The following BCAR3 variants were observed in gnomAD, a reference collection of about 807,000 sequenced individuals.
The protein encoded by BCAR3 is BCAR3 adaptor protein, NSP family member.
A neutral mutation model predicts 80.1 loss-of-function variants in BCAR3; 37 were observed. The ratio of observed to expected loss-of-function variants is 0.46; its 90% confidence interval spans 0.36 to 0.61. BCAR3 has a LOEUF of 0.61. Ranked by LOEUF, BCAR3 falls within the 20% of genes least tolerant of loss-of-function variation. The pLI is 0.00. For missense variants in BCAR3, 978 were observed against 1,068.2 expected, an observed-to-expected ratio of 0.92 and a Z score of 1.18; for synonymous variants, 389 against 418.9, an observed-to-expected ratio of 0.93 and a Z score of 0.87.
intron 3 of BCAR3, among the ~76,000 whole-genome samples, chr1:93,624,745 T>C (rs541803534): frequency 6.6e-6 from 1 of 152,244 alleles, no homozygotes; most frequent in Non-Finnish European, 1.5e-5. Context: ...GACGTGGCTC[T>C]TGTTCATGGT....
intron 3 of BCAR3, among the ~76,000 whole-genome samples, chr1:93,635,220 T>C (rs1368739121): frequency 2.0e-5 from 3 of 152,120 alleles, no homozygotes; most frequent in Non-Finnish European, 2.9e-5. Context: ...ACCCTGTTTC[T>C]TAAAAAAATA....
chr1:93,608,906 C>T lies in BCAR3; in HGVS notation c.358-16513G>A, dbSNP rs534084442. On this transcript the variant is annotated intron_variant, in intron 3 of 11. Transcript: ENST00000260502. The stretch of plus-strand genomic sequence containing the variant: ...TTCCTGCAAGGCTTCTTCCACCTTG[C>T]GCAGCTCGTGCTGATGGTGCATCTG... 7.9e-5 allele frequency among the ~76,000 whole-genome samples: 12 copies of T among 152,324 alleles called. 1 individual carries two copies. In the South Asian group the frequency reaches 1.2e-3, roughly 16 times the overall value.
chr1:93,583,987 A>C (rs757865760), intron 6 of BCAR3, 31 bp downstream of exon 6: 2 of 1,600,936 alleles, frequency 1.2e-6, no homozygotes, highest in Non-Finnish European at 1.7e-6. Context: ...GGTAACACTG[A>C]CGTTCTCCCT....
chr1:93,736,434 G>T (rs983385103), intron 2 of BCAR3, among the ~76,000 whole-genome samples: 6 of 152,206 alleles, frequency 3.9e-5, no homozygotes, highest in African/African-American at 1.4e-4. Context: ...TGATCTGCCC[G>T]CCTTGGCCTC....
chr1:93,625,025 A>AGG (rs2101893686), intron 3 of BCAR3, among the ~76,000 whole-genome samples: 1 of 152,286 alleles, frequency 6.6e-6, no homozygotes. Context: ...CCTCACTAAC[A>AGG]TGGTGAAACC....
intron 1 of BCAR3, among the ~76,000 whole-genome samples, chr1:93,675,925 C>CAAAAAAAAA (rs58706715): frequency 0.012 from 620 of 51,424 alleles, 27 homozygotes; most frequent in Non-Finnish European, 0.021. Flanking sequence ...AAATAGGAGA[C>CAAAAAAAAA]AAAAAAAAAA....
intron 3 of BCAR3, among the ~76,000 whole-genome samples, chr1:93,633,907 G>A (rs1675699648): frequency 6.6e-6 from 1 of 152,328 alleles, no homozygotes; most frequent in Admixed American, 6.5e-5. Context: ...CAAAGGGCGT[G>A]AGCCACCACA....
chr1:93,728,464 G>A (rs975688141), intron 2 of BCAR3, among the ~76,000 whole-genome samples: 6 of 152,252 alleles, frequency 3.9e-5, no homozygotes, highest in African/African-American at 1.2e-4. Flanking sequence ...CTGTTGCAAG[G>A]ACAGAGGGCT....
At chr1:93,719,133 G>C (rs1051882998) in intron 2 of BCAR3, among the ~76,000 whole-genome samples, 1 of 151,956 alleles carries the variant, frequency 6.6e-6, no homozygotes. Context: ...TCGTTTCTGG[G>C]TGAAAGGGAA....
At chr1:93,779,544 C>T (rs1314550512) in intron 2 of BCAR3, among the ~76,000 whole-genome samples, 2 of 152,018 alleles carry the variant, frequency 1.3e-5, no homozygotes, top group Non-Finnish European at 2.9e-5. Context: ...CAGAGAAGAC[C>T]CCTCTTTGAG....
At chr1:93,806,912 C>G (rs1396977201) in intron 2 of BCAR3, among the ~76,000 whole-genome samples, 1 of 152,060 alleles carries the variant, frequency 6.6e-6, no homozygotes, top group Non-Finnish European at 1.5e-5. Flanking sequence ...CTCAGGAGTT[C>G]AAGACTAGCC....
At chr1:93,806,057 A>G (rs1653644262) in intron 2 of BCAR3, among the ~76,000 whole-genome samples, 1 of 152,202 alleles carries the variant, frequency 6.6e-6, no homozygotes, top group Non-Finnish European at 1.5e-5. Flanking sequence ...AAAAAAAGAT[A>G]AAAGTTCTAA....
intron 2 of BCAR3, among the ~76,000 whole-genome samples, chr1:93,722,054 G>A (rs538575302): frequency 7.9e-4 from 120 of 152,334 alleles, no homozygotes; most frequent in Non-Finnish European, 1.4e-3. Context: ...AGTGCATAGG[G>A]AGACAATGGG....
intron 2 of BCAR3, among the ~76,000 whole-genome samples, chr1:93,741,730 A>T (rs1314692257): frequency 6.6e-6 from 1 of 152,012 alleles, no homozygotes; most frequent in Non-Finnish European, 1.5e-5. Context: ...CACCACACCC[A>T]GCTAATTTTT....
At chr1:93,641,036 G>A (rs866155889) in intron 3 of BCAR3, among the ~76,000 whole-genome samples, 1 of 152,192 alleles carries the variant, frequency 6.6e-6, no homozygotes, top group Non-Finnish European at 1.5e-5. Context: ...TGATGCATCC[G>A]GGAGGGACAC....
At chr1:93,816,797 T>C (rs1654036580) in intron 2 of BCAR3, among the ~76,000 whole-genome samples, 1 of 149,834 alleles carries the variant, frequency 6.7e-6, no homozygotes, top group Non-Finnish European at 1.5e-5. Flanking sequence ...ACAACCACCA[T>C]AGCTAGGAAC....
chr1:93,783,902 T>C (rs376695701), intron 2 of BCAR3, among the ~76,000 whole-genome samples: 1 of 152,216 alleles, frequency 6.6e-6, no homozygotes, highest in Non-Finnish European at 1.5e-5. Flanking sequence ...AGACACTATG[T>C]GATTTCTGAG....
At chr1:93,649,625 C>A (rs1424454871) in intron 2 of BCAR3, among the ~76,000 whole-genome samples, 2 of 151,670 alleles carry the variant, frequency 1.3e-5, no homozygotes, top group African/African-American at 4.8e-5. Flanking sequence ...AACAGCAGGT[C>A]CTAGGCAAAA....
chr1:93,744,912 C>T (rs1401516059), intron 2 of BCAR3, among the ~76,000 whole-genome samples: 1 of 152,208 alleles, frequency 6.6e-6, no homozygotes, highest in Non-Finnish European at 1.5e-5. Flanking sequence ...TCTCTTTCCC[C>T]TTCCAGGCCT....
Sources: allele counts gnomAD v4.1 joint callset (sites outside exome capture counted in the v4.1 genomes callset), GRCh38; gene constraint gnomAD v4.1.1; transcripts MANE v1.5; gene names NCBI Gene and HGNC (gene_info 2026-07-23, HGNC 2026-07-21).